WIPF1: variants seen among roughly 807,000 people sequenced by gnomAD.
WIPF1 encodes the protein WAS/WASL-interacting protein family member 1.
In WIPF1, 13 loss-of-function variants were observed where a neutral mutation model predicts 35.4. That is an observed-to-expected ratio of 0.37 (90% confidence interval 0.24 to 0.58). WIPF1 has a LOEUF of 0.58. Among genes scored for constraint, WIPF1 ranks in the 20% least tolerant of loss-of-function variants. WIPF1 has a pLI of 0.74. For synonymous variants in WIPF1, 267 were observed against 266.3 expected (o/e 1.00, Z -0.02); for missense variants, 591 against 667.0 (o/e 0.89, Z 1.25).
intron 1 of WIPF1, among the ~76,000 whole-genome samples, chr2:174,597,237 C>T (rs1279530582): frequency 6.6e-6 from 1 of 152,136 alleles, no homozygotes; most frequent in Admixed American, 6.5e-5. Flanking sequence ...TGTTGCTGGC[C>T]ACACCAAAGA....
intron 1 of WIPF1, among the ~76,000 whole-genome samples, chr2:174,653,383 A>C (rs1687572386): frequency 1.3e-5 from 2 of 152,236 alleles, no homozygotes; most frequent in African/African-American, 4.8e-5. Flanking sequence ...GTCAGTGAAT[A>C]TATGGGGATA....
intron 1 of WIPF1, chr2:174,634,416 A>G (rs1172389160): frequency 6.6e-6 from 1 of 152,238 alleles, no homozygotes; most frequent in Admixed American, 6.5e-5. Flanking sequence ...CCAAAAAGCA[A>G]GTTCTTCACA....
intron 4 of WIPF1, among the ~76,000 whole-genome samples, chr2:174,574,322 T>G (rs1324228377): frequency 6.6e-6 from 1 of 152,198 alleles, no homozygotes; most frequent in African/African-American, 2.4e-5. Flanking sequence ...AATTCAAATT[T>G]AAATGGTGGT....
chr2:174,624,859 AG>A (rs1398387448), intron 1 of WIPF1, among the ~76,000 whole-genome samples: 1 of 152,006 alleles, frequency 6.6e-6, no homozygotes, highest in African/African-American at 2.4e-5. Context: ...TTCACTGTGG[AG>A]GGGGGTTGGG....
intron 1 of WIPF1, among the ~76,000 whole-genome samples, chr2:174,633,383 G>A (rs1339490948): frequency 6.6e-6 from 1 of 152,160 alleles, no homozygotes; most frequent in Non-Finnish European, 1.5e-5. Context: ...ACATGAAACA[G>A]GAAGTTCCTG....
intron 1 of WIPF1, among the ~76,000 whole-genome samples, chr2:174,659,747 A>G (rs756924490): frequency 6.6e-6 from 1 of 152,218 alleles, no homozygotes; most frequent in Non-Finnish European, 1.5e-5. Flanking sequence ...ACTAAGGTTG[A>G]CTAAAAGCAG....
Position 174,590,096 on chromosome 2 carries a change from A to G in WIPF1, c.-38-4485T>C, listed in dbSNP as rs558994703. 3.9e-5 allele frequency among the ~76,000 whole-genome samples: 6 copies of G among 152,122 alleles called. No homozygotes were observed. Among genetic ancestry groups the G allele is most frequent in the Non-Finnish European group, 5.9e-5 (4 of 68,036 alleles). On this transcript the variant is annotated intron_variant, in intron 1 of 7. Transcript: ENST00000679041. The surrounding 1 kb of genome is among the most constrained non-coding windows in gnomAD (Gnocchi z 4.6). ...TAAAATAAAAACAAATTAAAATTAA[A>G]TTTTTTAAAAAAAGGAGTCCTTTGG... is the stretch of plus-strand genomic sequence containing the variant.
chr2:174,621,617 G>A lies in WIPF1; in HGVS notation c.-38-36006C>T, dbSNP rs536536620. 2.0e-5 allele frequency among the ~76,000 whole-genome samples: 3 copies of A among 151,942 alleles called. No homozygotes were observed. In the East Asian group the frequency reaches 5.8e-4, roughly 29 times the overall value. The stretch of plus-strand genomic sequence containing the variant: ...ATGCATATTTTGCAATTTTCTAATA[G>A]CCACATTAAAAAAGTGATGTGGAAA... On this transcript the variant is annotated intron_variant, in intron 1 of 8. Coordinates refer to the WIPF1 transcript ENST00000272746.
At chr2:174,594,441 G>A (rs116323547) in intron 1 of WIPF1, among the ~76,000 whole-genome samples, 254 of 152,160 alleles carry the variant, frequency 1.7e-3, no homozygotes, top group Non-Finnish European at 3.2e-3. Flanking sequence ...CACAGACATC[G>A]AAGACCCTTT....
At chr2:174,566,820 T>A in intron 7 of WIPF1, 1 of 393,090 alleles carries the variant, frequency 2.5e-6, no homozygotes, top group Non-Finnish European at 4.6e-6. Context: ...AGTAAAATAA[T>A]AAAATTTAAT....
chr2:174,579,854 TG>T (rs1266239371), intron 3 of WIPF1, among the ~76,000 whole-genome samples: 1 of 152,186 alleles, frequency 6.6e-6, no homozygotes, highest in East Asian at 1.9e-4. Flanking sequence ...TTGGAGGGCT[TG>T]GAGGGCTGAG....
chr2:174,650,383 A>C (rs1033795142), intron 1 of WIPF1, among the ~76,000 whole-genome samples: 1 of 152,142 alleles, frequency 6.6e-6, no homozygotes, highest in Admixed American at 6.5e-5. Flanking sequence ...TGATCAGTTC[A>C]CTCTGTGTAC....
chr2:174,639,541 C>T (rs2105945555), intron 1 of WIPF1, among the ~76,000 whole-genome samples: 1 of 152,250 alleles, frequency 6.6e-6, no homozygotes, highest in South Asian at 2.1e-4. Flanking sequence ...TGTTTTAAAT[C>T]AAGTTATTTG....
In WIPF1 at chr2:174,571,883, G is replaced by C; in HGVS notation, c.922C>G (p.Pro308Ala). Residue 308 changes from proline (P) to alanine (A), a missense_variant, in exon 5 of 8, where the codon CCT (proline) becomes GCT (alanine). By Grantham distance (27) the Pro-to-Ala change is conservative (BLOSUM62 -1). This residue lies in a region of WIPF1 where 471 missense variants were observed against 501.1 expected (regional missense o/e 0.94). Transcript: ENST00000679041. This position sits in a 1 kb window ranked among gnomAD's most constrained non-coding sequence, Gnocchi z 4.6. ...PRPSASSQAP[P>A]PPPPPSRPGP... ...GGCCTGCTGGGAGGTGGCGGCGGAG[G>C]TGGGGCCTGTGAGGAGGCCGAAGGC... 3.7e-6 allele frequency: 6 copies of C among 1,613,526 alleles called. No individual in the cohort carries two copies. The highest frequency in any genetic ancestry group is 5.1e-6 in the Non-Finnish European group (6 of 1,179,716).
intron 1 of WIPF1, among the ~76,000 whole-genome samples, chr2:174,675,148 A>T (rs1485252748): frequency 6.6e-6 from 1 of 152,210 alleles, no homozygotes. Context: ...AAAAAACTAT[A>T]TATGTGCATA....
chr2:174,668,587 T>A (rs1287999948), intron 1 of WIPF1, among the ~76,000 whole-genome samples: 1 of 152,156 alleles, frequency 6.6e-6, no homozygotes, highest in African/African-American at 2.4e-5. Context: ...TAGGGGACAT[T>A]TAGAATGTAT....
At chr2:174,562,638 A>G (rs1036064862) in intron 7 of WIPF1, 36 bp from the exon 8 acceptor site, 1 of 1,611,950 alleles carries the variant, frequency 6.2e-7, no homozygotes, top group African/African-American at 1.3e-5. Flanking sequence ...AATTTTGGTT[A>G]GAAAGCTGAT....
chr2:174,581,332 G>A lies in WIPF1; in HGVS notation c.159C>T (p.Asp53=), dbSNP rs147372728. Residue 53 remains aspartate (D), a synonymous_variant, in exon 3 of 8, where the codon GAC becomes GAT. Coordinates refer to ENST00000679041, the MANE Select transcript of WIPF1 (RefSeq NM_001375834.1). ...TACTGTCCAGTATTGGTGCACTTCT[G>A]TCATTGGTGACCGTCTTCTTTAGTT... ...GKKLKKTVTN[D]RSAPILDKPK... The A allele has an allele frequency of 3.6e-5, 58 of 1,613,960 alleles. No homozygotes were observed. The African/African-American group carries it at 6.3e-4, about 17-fold the overall frequency.
rs560039281 is a variant in WIPF1, at chr2:174,671,114, G to A, written c.-39+11660C>T. ...AACTGTGTGTGATAGATTGTTGCATGAAGTCAGGGACCCCGAATGGAGGGA... is the reference window on the plus strand; with the variant it reads ...AACTGTGTGTGATAGATTGTTGCATAAAGTCAGGGACCCCGAATGGAGGGA... On this transcript the variant is annotated intron_variant, in intron 1 of 8. Transcript: ENST00000272746. 3.1e-4 allele frequency among the ~76,000 whole-genome samples: 47 copies of A among 152,342 alleles called. No homozygotes were observed. In the South Asian group the frequency reaches 9.5e-3, roughly 31 times the overall value.
Sources: gnomAD v4.1 joint callset for allele counts (sites outside exome capture counted in the v4.1 genomes callset) on GRCh38, gnomAD v4.1.1 for gene constraint, gnomAD v4.1.1 regional missense constraint, Gnocchi (gnomAD v3.1) non-coding constraint, MANE v1.5 for transcripts, NCBI Gene and HGNC (gene_info 2026-07-23, HGNC 2026-07-21) for gene names.